The following MYCBP2 variants were observed in gnomAD, a reference collection of about 807,000 sequenced individuals.
The protein encoded by MYCBP2 is E3 ubiquitin-protein ligase MYCBP2.
Under a neutral mutation model 525.3 loss-of-function variants are expected in MYCBP2, and 120 were observed. That is an observed-to-expected ratio of 0.23 (90% CI 0.20 to 0.27). The LOEUF is 0.27. Ranked by LOEUF, MYCBP2 falls within the 10% of genes least tolerant of loss-of-function variation. The probability of loss-of-function intolerance (pLI) is 1.00; values close to 1 mark genes in which losing one functional copy is unlikely to be tolerated. For synonymous variants in MYCBP2, 1,894 were observed against 1,955.8 expected, an observed-to-expected ratio of 0.97 and a Z score of 0.83; for missense variants, 4,149 against 5,657.1, an observed-to-expected ratio of 0.73 and a Z score of 8.55.
rs1421095714 is a variant in MYCBP2 at position 77,177,887 on chromosome 13, C to T, written c.5201G>A (p.Gly1734Asp). ...SANRFTKTSQ[G>D]RSWNTGNGSP... is the part of the protein sequence containing the mutation. ...CCCGTTCCCAGTGTTCCAACTTCTGCCCTGACTTGTTTTTGTAAATCGGTT... is the reference window on the plus strand; with the variant it reads ...CCCGTTCCCAGTGTTCCAACTTCTGTCCTGACTTGTTTTTGTAAATCGGTT... The change falls in exon 35 of 83, where the codon GGC (glycine) becomes GAC (aspartate). Residue 1734 changes from glycine to aspartate, a missense_variant. Physicochemically the swap from Gly to Asp is moderately conservative, Grantham distance 94. This residue lies in a region of MYCBP2 where 54 missense variants were observed against 117.0 expected (regional missense o/e 0.46). Transcript: ENST00000544440. The T allele has an allele frequency of 6.2e-7, 1 of 1,613,770 alleles. No individual in the cohort carries two copies. Among genetic ancestry groups the T allele is most frequent in the African/African-American group, 1.3e-5 (1 of 75,018 alleles).
At chr13:77,290,040 G>C (rs1182549662) in intron 2 of MYCBP2, among the ~76,000 whole-genome samples, 1 of 151,958 alleles carries the variant, frequency 6.6e-6, no homozygotes, top group Non-Finnish European at 1.5e-5. Flanking sequence ...AACAAACAAG[G>C]AATCCAATTA....
intron 66 of MYCBP2, chr13:77,077,746 G>C (rs1478291756): frequency 1.2e-5 from 2 of 166,830 alleles, no homozygotes; most frequent in Non-Finnish European, 2.6e-5. Context: ...TCATCTGTAA[G>C]TGGAAACCTC....
intron 23 of MYCBP2, among the ~76,000 whole-genome samples, chr13:77,210,202 TC>T (rs371075623): frequency 1.3e-5 from 2 of 150,502 alleles, no homozygotes; most frequent in Non-Finnish European, 3.0e-5. Context: ...AATTTTTTTT[TC>T]TTTTTTTTTT....
At chr13:77,121,296 A>G (rs1452671649) in intron 55 of MYCBP2, 77 bp downstream of exon 55, 1 of 1,271,062 alleles carries the variant, frequency 7.9e-7, no homozygotes, top group Non-Finnish European at 1.0e-6. Flanking sequence ...GTGAACACAA[A>G]TAAAAAGTGT....
rs549341063 is a variant in MYCBP2, at chr13:77,274,954, C to T, written c.749-1286G>A. Among the ~76,000 whole-genome samples the T allele has an allele frequency of 2.6e-5, 4 of 152,144 alleles. No homozygotes were observed. The East Asian group carries it at 5.8e-4, about 22-fold the overall frequency. ...TCCTTTCCTCTACCTTTTCCTCCAG[C>T]TATCCTTCCTTCCCTCCATCCTTTC... On this transcript the variant is annotated intron_variant, in intron 4 of 82. Transcript: ENST00000544440.
chr13:77,206,099 T>G (rs2063302979), intron 24 of MYCBP2, among the ~76,000 whole-genome samples: 1 of 152,116 alleles, frequency 6.6e-6, no homozygotes, highest in South Asian at 2.1e-4. Context: ...TGAGTCTTTT[T>G]AAGGATCATT....
chr13:77,045,709 G>T (rs1029496823), intron 82 of MYCBP2, among the ~76,000 whole-genome samples: 1 of 152,080 alleles, frequency 6.6e-6, no homozygotes, highest in Admixed American at 6.6e-5. Flanking sequence ...AGAAGTGATG[G>T]GGTCCCTTAC....
chr13:77,150,661 T>C, intron 47 of MYCBP2, 73 bp downstream of exon 47: 2 of 1,239,564 alleles, frequency 1.6e-6, no homozygotes, highest in Non-Finnish European at 2.3e-6. Context: ...TGTCTGCATC[T>C]GAATCACTGA....
At chr13:77,116,880 G>A (rs533195938) in intron 55 of MYCBP2, among the ~76,000 whole-genome samples, 1 of 152,076 alleles carries the variant, frequency 6.6e-6, no homozygotes, top group East Asian at 1.9e-4. Context: ...GTAAAGACTT[G>A]CAATGATTCT....
At chr13:77,226,891 T>TA (rs2066359781) in intron 18 of MYCBP2, among the ~76,000 whole-genome samples, 2 of 152,158 alleles carry the variant, frequency 1.3e-5, no homozygotes, top group African/African-American at 4.8e-5. Flanking sequence ...AACACTGAAG[T>TA]AAAAATTCAG....
rs1016287071 is a variant in MYCBP2, at chr13:77,234,133, T to G, written c.2630-870A>C. ...AATAAATCATTTTTCCCATTAACATTTATTTACCTTGAAAAGAAAAATAAA... is the reference window on the plus strand; with the variant it reads ...AATAAATCATTTTTCCCATTAACATGTATTTACCTTGAAAAGAAAAATAAA... On this transcript the variant is annotated intron_variant, in intron 17 of 82. Coordinates refer to ENST00000544440, the MANE Select transcript of MYCBP2 (RefSeq NM_015057.5). 1.5e-4 allele frequency among the ~76,000 whole-genome samples: 23 copies of G among 152,120 alleles called. No homozygotes were observed. In the East Asian group the frequency reaches 1.7e-3, roughly 11 times the overall value.
chr13:77,238,840 T>G (rs1206530183), intron 17 of MYCBP2, among the ~76,000 whole-genome samples: 1 of 152,142 alleles, frequency 6.6e-6, no homozygotes, highest in Non-Finnish European at 1.5e-5. Context: ...GTACAAGAAC[T>G]AGGGCCCAGG....
chr13:77,129,023 G>A (rs1405295328), intron 52 of MYCBP2: 1 of 388,146 alleles, frequency 2.6e-6, no homozygotes, highest in Non-Finnish European at 4.6e-6. Context: ...AAACTCAATT[G>A]CAGCACTTCA....
Position 77,243,153 on chromosome 13 carries a change from TG to T in MYCBP2, c.2534del (p.Pro845GlnfsTer22). ...GTTCTTCAATGTTAACCCCGGGCACTGGGACAGCTAGATGATTGGCCAAAAA... is the reference window on the plus strand; with the variant it reads ...GTTCTTCAATGTTAACCCCGGGCACTGGACAGCTAGATGATTGGCCAAAAA... ...MIPLDLLLAV[P>X]VPGVNIEEHL... On this transcript the variant is annotated frameshift_variant, in exon 17 of 83. Transcript: ENST00000544440. LOFTEE classifies it high-confidence loss of function. The T allele has an allele frequency of 6.2e-7, 1 of 1,613,834 alleles. No individual in the cohort carries two copies. The highest frequency in any genetic ancestry group is 8.5e-7 in the Non-Finnish European group (1 of 1,179,796).
chr13:77,302,821 G>C (rs2078946149), intron 1 of MYCBP2, among the ~76,000 whole-genome samples: 1 of 152,140 alleles, frequency 6.6e-6, no homozygotes, highest in Non-Finnish European at 1.5e-5. Context: ...AATGAAAAGA[G>C]CATTTCTAAA....
At chr13:77,111,284 T>C (rs1178532188) in intron 55 of MYCBP2, among the ~76,000 whole-genome samples, 1 of 152,180 alleles carries the variant, frequency 6.6e-6, no homozygotes, top group Admixed American at 6.5e-5. Flanking sequence ...TATAGCCAAC[T>C]GGAGCTAAGT....
chr13:77,221,908 T>C (rs1057070152), intron 20 of MYCBP2, among the ~76,000 whole-genome samples: 2 of 152,150 alleles, frequency 1.3e-5, no homozygotes, highest in Non-Finnish European at 2.9e-5. Context: ...GTACATAAAC[T>C]ACACATCCTC....
chr13:77,064,282 GCTGGCACTAAACTTA>G, intron 73 of MYCBP2, among the ~76,000 whole-genome samples: 1 of 152,302 alleles, frequency 6.6e-6, no homozygotes, highest in Non-Finnish European at 1.5e-5. Flanking sequence ...ACAGCATAAT[GCTGGCACTAAACTTA>G]CTGTGGTAAA....
At chr13:77,250,516 C>G (rs1214724091) in intron 15 of MYCBP2, among the ~76,000 whole-genome samples, 1 of 152,172 alleles carries the variant, frequency 6.6e-6, no homozygotes, top group Non-Finnish European at 1.5e-5. Flanking sequence ...GTGGCTATAA[C>G]TAGCAATGTA....
Sources: gnomAD v4.1 joint callset for allele counts (sites outside exome capture counted in the v4.1 genomes callset) on GRCh38, gnomAD v4.1.1 for gene constraint, gnomAD v4.1.1 regional missense constraint, MANE v1.5 for transcripts, NCBI Gene and HGNC (gene_info 2026-07-23, HGNC 2026-07-21) for gene names.